WASF2: variants seen among roughly 807,000 people sequenced by gnomAD.
WASF2 encodes the protein WASP family member 2, also known as actin-binding protein WASF2.
In WASF2, 14 loss-of-function variants were observed where a neutral mutation model predicts 45.0. The observed-to-expected ratio is 0.31, with a 90% confidence interval of 0.21 to 0.49. The LOEUF (loss-of-function observed/expected upper bound fraction) is 0.49, where lower values mean the gene tolerates loss of function less well. Ranked by LOEUF, WASF2 falls within the 20% of genes least tolerant of loss-of-function variation. The pLI, the probability that WASF2 is intolerant of heterozygous loss-of-function variation, is 0.99. For missense variants in WASF2, 439 were observed against 636.1 expected, an observed-to-expected ratio of 0.69 and a Z score of 3.33; for synonymous variants, 200 against 236.3, an observed-to-expected ratio of 0.85 and a Z score of 1.41.
At position 27,470,178 on chromosome 1, in the gene WASF2, G is replaced by A. The variant is rs370013813; in HGVS notation, c.-44+19808C>T. ...TGAAGATGAGCGCATTATTGCGCCT[G>A]TAGTGGGAAACAGAGCTGGAAAGAC... is the stretch of plus-strand genomic sequence containing the variant. On this transcript the variant is annotated intron_variant, in intron 1 of 8. Transcript: ENST00000618852. Among the ~76,000 whole-genome samples, 33 of 152,348 alleles carry A rather than the reference G, an allele frequency of 2.2e-4. No homozygotes were observed. In the South Asian group the frequency reaches 3.9e-3, roughly 18 times the overall value.
Position 27,405,707 on chromosome 1 carries a change from C to T in WASF2, c.*2482G>A, listed in dbSNP as rs532013454. The stretch of plus-strand genomic sequence containing the variant: ...CCGGCCCCCCGAGCTGAGGAGGCTT[C>T]GCAAGGCCGGCTGCTACAAAGTGCC... On this transcript the variant is annotated 3_prime_UTR_variant, in exon 9 of 9. Transcript: ENST00000618852. 6.1e-5 allele frequency: 9 copies of T among 146,994 alleles called. No individual in the cohort carries two copies. The Middle Eastern group carries it at 0.011, about 178-fold the overall frequency. 9.1% of individuals were successfully genotyped at this position (146,994 alleles called of 1,614,324 possible). A position where few individuals can be genotyped will look rare whatever the true frequency, so the allele number is the denominator to read the frequency against.
At chr1:27,447,728 C>A (rs1046145920) in intron 1 of WASF2, among the ~76,000 whole-genome samples, 58 of 152,148 alleles carry the variant, frequency 3.8e-4, no homozygotes, top group African/African-American at 1.4e-3. Flanking sequence ...AGAAGGACAG[C>A]ACCATTAAAA....
chr1:27,446,235 G>C (rs918599579), intron 1 of WASF2, among the ~76,000 whole-genome samples: 11 of 151,806 alleles, frequency 7.2e-5, no homozygotes, highest in African/African-American at 2.7e-4. Context: ...CAAGAAACTG[G>C]TATCTCTTTC....
At chr1:27,453,993 G>A (rs1379613210) in intron 1 of WASF2, among the ~76,000 whole-genome samples, 2 of 151,492 alleles carry the variant, frequency 1.3e-5, no homozygotes, top group East Asian at 1.9e-4. Flanking sequence ...AACGTGTGAC[G>A]TGTGTTTACC....
intron 1 of WASF2, among the ~76,000 whole-genome samples, chr1:27,472,684 A>G (rs2017706778): frequency 6.9e-6 from 1 of 145,320 alleles, no homozygotes; most frequent in Non-Finnish European, 1.5e-5. Context: ...AGGGGAAATC[A>G]GGCCAGGGTG....
chr1:27,484,527 G>A (rs998515998), intron 1 of WASF2, among the ~76,000 whole-genome samples: 1 of 152,124 alleles, frequency 6.6e-6, no homozygotes, highest in Admixed American at 6.6e-5. Flanking sequence ...AATACTCTAG[G>A]CCGGGCGCGG....
intron 2 of WASF2, among the ~76,000 whole-genome samples, chr1:27,426,358 G>C (rs941749265): frequency 6.6e-6 from 1 of 152,120 alleles, no homozygotes. Context: ...GGGAGGCTTG[G>C]GTAATAGTTT....
intron 1 of WASF2, among the ~76,000 whole-genome samples, chr1:27,467,914 C>A (rs2017637870): frequency 6.6e-6 from 1 of 151,520 alleles, no homozygotes; most frequent in South Asian, 2.1e-4. Flanking sequence ...CCTGTTTCTT[C>A]TTATCTTTTT....
chr1:27,463,508 A>G (rs1469465322), intron 1 of WASF2, among the ~76,000 whole-genome samples: 2 of 151,130 alleles, frequency 1.3e-5, no homozygotes, highest in Non-Finnish European at 2.9e-5. Context: ...CTGTAGTCCC[A>G]GCTACTCAGG....
chr1:27,424,872 G>A (rs115498769), intron 2 of WASF2, among the ~76,000 whole-genome samples: 1 of 152,140 alleles, frequency 6.6e-6, no homozygotes, highest in South Asian at 2.1e-4. Context: ...ATATAGGCAT[G>A]TAACGGGAGC....
At chr1:27,485,436 A>T (rs2017910055) in intron 1 of WASF2, among the ~76,000 whole-genome samples, 1 of 152,114 alleles carries the variant, frequency 6.6e-6, no homozygotes, top group African/African-American at 2.4e-5. Flanking sequence ...AAAAAGAAAA[A>T]AAGAAAATAA....
At chr1:27,463,199 C>T (rs1280216478) in intron 1 of WASF2, among the ~76,000 whole-genome samples, 1 of 152,124 alleles carries the variant, frequency 6.6e-6, no homozygotes, top group Admixed American at 6.6e-5. Context: ...AGAGACTATG[C>T]TTTTTGAAGG....
intron 1 of WASF2, among the ~76,000 whole-genome samples, chr1:27,440,293 G>C (rs1048410557): frequency 7.9e-5 from 12 of 152,210 alleles, no homozygotes; most frequent in African/African-American, 2.9e-4. Context: ...GGAGGCCAAG[G>C]AGAGTGGATC....
chr1:27,454,165 ATATATATATATATATATATATATTTT>A, intron 1 of WASF2, among the ~76,000 whole-genome samples: 1 of 75,090 alleles, frequency 1.3e-5, no homozygotes, highest in South Asian at 4.8e-4. Flanking sequence ...ATATATATAT[ATATATATATATATATATATATATTTT>A]TTTTTTTTTT....
chr1:27,408,430 C>G (rs1188591242), intron 8 of WASF2, 84 bp from the exon 9 acceptor site: 3 of 1,546,196 alleles, frequency 1.9e-6, no homozygotes, highest in Non-Finnish European at 1.8e-6. Flanking sequence ...GGAGTGGCCA[C>G]CAATGGGTAA....
At chr1:27,433,668 C>A (rs965300997) in intron 1 of WASF2, among the ~76,000 whole-genome samples, 4 of 152,242 alleles carry the variant, frequency 2.6e-5, no homozygotes, top group African/African-American at 9.6e-5. Flanking sequence ...CACCCTACCA[C>A]AGCTAGCAAA....
At chr1:27,446,696 G>A (rs564036757) in intron 1 of WASF2, among the ~76,000 whole-genome samples, 3 of 151,430 alleles carry the variant, frequency 2.0e-5, no homozygotes, top group Admixed American at 6.6e-5. Context: ...TGGGTGGATC[G>A]CTTGAGCCTG....
intron 1 of WASF2, among the ~76,000 whole-genome samples, chr1:27,482,236 A>T (rs78981250): frequency 6.6e-6 from 1 of 152,230 alleles, no homozygotes; most frequent in African/African-American, 2.4e-5. Context: ...GAAGTCTTCA[A>T]ATGTTACCAC....
chr1:27,464,360 T>C (rs1376326539), intron 1 of WASF2, among the ~76,000 whole-genome samples: 1 of 151,950 alleles, frequency 6.6e-6, no homozygotes, highest in Non-Finnish European at 1.5e-5. Context: ...CACTCTAGCC[T>C]GGGCAAAAGA....
Sources: gnomAD v4.1 joint callset for allele counts (sites outside exome capture counted in the v4.1 genomes callset) on GRCh38, gnomAD v4.1.1 for gene constraint, MANE v1.5 for transcripts, NCBI Gene and HGNC (gene_info 2026-07-23, HGNC 2026-07-21) for gene names.